The following INSL6 variants were observed in gnomAD, a reference collection of about 807,000 sequenced individuals.
INSL6 encodes insulin like 6.
Under a neutral mutation model 9.4 loss-of-function variants are expected in INSL6, and 16 were observed. That is an observed-to-expected ratio of 1.70 (90% confidence interval 1.15 to 2.59). INSL6 has a LOEUF of 2.59. INSL6 is among the 30% of genes most tolerant of loss of function. The pLI, the probability that INSL6 is intolerant of heterozygous loss-of-function variation, is 0.00. For missense variants in INSL6, 391 were observed against 257.3 expected, an observed-to-expected ratio of 1.52 and a Z score of -3.56; for synonymous variants, 154 against 96.9, an observed-to-expected ratio of 1.59 and a Z score of -3.46.
At chr9:5,112,648 CA>C in the INSL6 span, 1 of 1,004,708 alleles carries the variant, frequency 1.0e-6, no homozygotes, top group Non-Finnish European at 1.4e-6. Flanking sequence ...AGCCCCAGAC[CA>C]AACTCCTTAT....
At chr9:5,107,434 C>G in the INSL6 span, among the ~76,000 whole-genome samples, 1 of 152,248 alleles carries the variant, frequency 6.6e-6, no homozygotes, top group African/African-American at 2.4e-5. Flanking sequence ...AGAAATCGCT[C>G]TAATACTACC....
the INSL6 span, among the ~76,000 whole-genome samples, chr9:5,017,596 C>T: frequency 1.2e-4 from 18 of 151,940 alleles, no homozygotes; most frequent in Admixed American, 3.3e-4. Context: ...ATCTTTCTTC[C>T]TTTTTGATGT....
At chr9:5,080,819 G>A in the INSL6 span, 2 of 530,564 alleles carry the variant, frequency 3.8e-6, no homozygotes, top group Non-Finnish European at 6.3e-6. Context: ...ATGTTCATAT[G>A]GCTTTTCATG....
At chr9:5,103,772 A>C in the INSL6 span, among the ~76,000 whole-genome samples, 1 of 152,148 alleles carries the variant, frequency 6.6e-6, no homozygotes, top group South Asian at 2.1e-4. Flanking sequence ...CTCACTCAAA[A>C]CCGCACAACT....
intron 1 of INSL6, among the ~76,000 whole-genome samples, chr9:5,181,567 G>C (rs1011468039): frequency 2.0e-5 from 3 of 151,724 alleles, no homozygotes; most frequent in African/African-American, 7.3e-5. Context: ...TTAACAGAAG[G>C]ACAGAAAAGG....
the INSL6 span, chr9:5,044,529 A>G: frequency 2.8e-6 from 4 of 1,450,146 alleles, no homozygotes; most frequent in Admixed American, 3.8e-5. Context: ...AGGTATGATT[A>G]TATTATCTTA....
At chr9:4,995,539 C>G in the INSL6 span, among the ~76,000 whole-genome samples, 1 of 152,164 alleles carries the variant, frequency 6.6e-6, no homozygotes, top group African/African-American at 2.4e-5. Flanking sequence ...CTGTGAAATG[C>G]TGGTGTTTTA....
intron 2 of INSL6, among the ~76,000 whole-genome samples, chr9:5,150,607 C>G (rs1459591024): frequency 6.6e-6 from 1 of 152,032 alleles, no homozygotes. Context: ...GAAAAGAGAA[C>G]ACTTATTATT....
At chr9:5,171,573 A>G (rs1287237131) in intron 1 of INSL6, among the ~76,000 whole-genome samples, 1 of 152,110 alleles carries the variant, frequency 6.6e-6, no homozygotes, top group Non-Finnish European at 1.5e-5. Context: ...GCAAACATAG[A>G]CACCCCATCT....
the INSL6 span, chr9:5,091,017 A>T: frequency 2.3e-6 from 2 of 859,744 alleles, no homozygotes; most frequent in Non-Finnish European, 3.5e-6. Flanking sequence ...AACAGTGAAC[A>T]TTTAAGTCTT....
At chr9:5,134,486 C>T (rs751097370) in intron 2 of INSL6, among the ~76,000 whole-genome samples, 5 of 152,172 alleles carry the variant, frequency 3.3e-5, no homozygotes, top group Non-Finnish European at 5.9e-5. Flanking sequence ...AGACTAACAG[C>T]GGATCTCTCT....
the INSL6 span, among the ~76,000 whole-genome samples, chr9:5,063,989 C>G: frequency 6.6e-6 from 1 of 151,608 alleles, no homozygotes; most frequent in Non-Finnish European, 1.5e-5. Context: ...AACTCTGTCT[C>G]TACTAAAAAT....
intron 2 of INSL6, among the ~76,000 whole-genome samples, chr9:5,141,077 A>G (rs1457972267): frequency 1.3e-5 from 2 of 152,150 alleles, no homozygotes; most frequent in Admixed American, 6.5e-5. Flanking sequence ...TCCATGGTGT[A>G]TATGTACCAC....
chr9:5,043,363 A>G, the INSL6 span, among the ~76,000 whole-genome samples: 10 of 152,352 alleles, frequency 6.6e-5, no homozygotes, highest in Middle Eastern at 3.4e-3. Context: ...GCCCAACATC[A>G]TTGGTCATTA....
At chr9:5,131,541 G>A (rs1045853643) in intron 3 of INSL6, among the ~76,000 whole-genome samples, 2 of 150,338 alleles carry the variant, frequency 1.3e-5, no homozygotes, top group African/African-American at 4.9e-5. Context: ...GGGTTCAAGT[G>A]ATTCTCCTGC....
the INSL6 span, among the ~76,000 whole-genome samples, chr9:5,017,250 C>A: frequency 6.6e-6 from 1 of 152,108 alleles, no homozygotes; most frequent in African/African-American, 2.4e-5. Flanking sequence ...CAGAGCCCCA[C>A]TGAAAGGTCT....
chr9:5,180,296 G>C (rs1326448016), intron 1 of INSL6, among the ~76,000 whole-genome samples: 1 of 152,104 alleles, frequency 6.6e-6, no homozygotes, highest in African/African-American at 2.4e-5. Flanking sequence ...ACGTGTGTTT[G>C]AACAATATGA....
chr9:5,051,541 T>G, the INSL6 span, among the ~76,000 whole-genome samples: 1 of 152,190 alleles, frequency 6.6e-6, no homozygotes, highest in Non-Finnish European at 1.5e-5. Flanking sequence ...CTCTAGGGTA[T>G]TCTTATACAA....
the INSL6 span, chr9:5,066,863 T>C: frequency 3.3e-6 from 2 of 601,426 alleles, no homozygotes; most frequent in Non-Finnish European, 5.3e-6. Flanking sequence ...TTATTTACCA[T>C]ATTTCCTTTT....
Sources: gnomAD v4.1 joint callset for allele counts (sites outside exome capture counted in the v4.1 genomes callset) on GRCh38, gnomAD v4.1.1 for gene constraint, MANE v1.5 for transcripts, NCBI Gene and HGNC (gene_info 2026-07-23, HGNC 2026-07-21) for gene names.